CAMSAP3: variants seen among roughly 807,000 people sequenced by gnomAD.
The protein encoded by CAMSAP3 is calmodulin regulated spectrin associated protein family member 3.
Under a neutral mutation model 112.5 loss-of-function variants are expected in CAMSAP3, and 34 were observed. The observed-to-expected ratio is 0.30, with a 90% CI of 0.23 to 0.40. CAMSAP3 has a LOEUF of 0.40. CAMSAP3 is among the 10% of genes least tolerant of loss of function. The probability of loss-of-function intolerance (pLI) is 1.00; values close to 1 mark genes in which losing one functional copy is unlikely to be tolerated. For synonymous variants in CAMSAP3, 868 were observed against 799.8 expected (o/e 1.09, Z -1.44); for missense variants, 1,602 against 1,770.3 (o/e 0.90, Z 1.71).
chr19:7,606,156 A>AAACCCCCCCC, intron 2 of CAMSAP3, 115 bp from the exon 3 acceptor site: 1 of 224,848 alleles, frequency 4.4e-6, no homozygotes, highest in Non-Finnish European at 8.5e-6. Context: ...CTCAAGCCCC[A>AAACCCCCCCC]CCCCCCCCGT....
chr19:7,604,809 G>C (rs1157047136), intron 1 of CAMSAP3, among the ~76,000 whole-genome samples: 1 of 152,260 alleles, frequency 6.6e-6, no homozygotes, highest in African/African-American at 2.4e-5. Context: ...GCCTCCTAGC[G>C]TTGATGTAAG....
Position 7,610,900 on chromosome 19 carries a change from G to C in CAMSAP3, c.1018G>C (p.Ala340Pro), listed in dbSNP as rs779864414. 12 of 1,591,914 alleles carry C rather than the reference G, an allele frequency of 7.5e-6. No homozygotes were observed. The highest frequency in any genetic ancestry group is 9.4e-6 in the Non-Finnish European group (11 of 1,169,076). Residue 340 changes from alanine (A) to proline (P), a missense_variant, in exon 8 of 17, where the codon GCC (alanine) becomes CCC (proline). By Grantham distance (27) the Ala-to-Pro change is conservative (BLOSUM62 -1). Coordinates refer to ENST00000160298, the MANE Select transcript of CAMSAP3 (RefSeq NM_020902.2). This position sits in a 1 kb window ranked among gnomAD's most constrained non-coding sequence, Gnocchi z 4.9. ...AGCTGCCTCCCCCCGGGGCACTGAG[G>C]CCTCCCCACCTCAGAACAACAGCGG... Reference protein sequence around the residue: ...GHAASPRGTEASPPQNNSGSS... With the variant: ...GHAASPRGTEPSPPQNNSGSS...
At chr19:7,616,934 CTTTTTTTTTT>C (rs545769780) in intron 14 of CAMSAP3, among the ~76,000 whole-genome samples, 7 of 83,036 alleles carry the variant, frequency 8.4e-5, no homozygotes, top group South Asian at 1.0e-3. Flanking sequence ...TGTGGCCCGC[CTTTTTTTTTT>C]TTTTTTTTTT....
In CAMSAP3 at chr19:7,605,367, C is replaced by T; in HGVS notation, c.290C>T (p.Thr97Ile). The T allele has an allele frequency of 1.9e-6, 3 of 1,599,330 alleles. No homozygotes were observed. The highest frequency in any genetic ancestry group is 1.3e-5 in the African/African-American group (1 of 74,638). ...AWRQALPQLETPPNPSALLAL... is the reference protein window; with the variant it reads ...AWRQALPQLEIPPNPSALLAL... The stretch of plus-strand genomic sequence containing the variant: ...CGCCAGGCACTGCCACAGCTTGAAA[C>T]ACCCCCCAACCCCTCTGCACTGCTG... The change falls in exon 2 of 17, where the codon ACA becomes ATA. Residue 97 changes from threonine (T) to isoleucine (I), a missense_variant. Physicochemically the swap from Thr to Ile is moderately conservative, Grantham distance 89. Coordinates refer to ENST00000160298, the MANE Select transcript of CAMSAP3 (RefSeq NM_020902.2).
intron 11 of CAMSAP3, among the ~76,000 whole-genome samples, chr19:7,614,120 C>T (rs536408492): frequency 2.0e-5 from 3 of 151,400 alleles, no homozygotes; most frequent in Non-Finnish European, 3.0e-5. Context: ...AATTAGCTGG[C>T]GTGGTGGCGG....
At chr19:7,616,291 T>G (rs1599364782) in intron 13 of CAMSAP3, 3 of 457,734 alleles carry the variant, frequency 6.6e-6, no homozygotes, top group South Asian at 2.8e-5. Context: ...CCTTTGGGAG[T>G]ATGTTTGGGG....
rs56244737 is a variant in CAMSAP3, at chr19:7,605,147, G to GGTGTGTGTGTGTGTGTGTGTGTGTGTGT, written c.149-76_149-49dup. Reference sequence around the variant, plus strand: ...GACACACTCTTAATCCGGGCCATGTGGTGTGTGTGTGTGTGTGTGTGTGTG... The same window carrying GGTGTGTGTGTGTGTGTGTGTGTGTGTGT: ...GACACACTCTTAATCCGGGCCATGTGGTGTGTGTGTGTGTGTGTGTGTGTGTGTGTGTGTGTGTGTGTGTGTGTGTGTG... On this transcript the variant is annotated intron_variant, in intron 1 of 16. Transcript: ENST00000160298. 5.3e-5 allele frequency: 33 copies of GGTGTGTGTGTGTGTGTGTGTGTGTGTGT among 624,548 alleles called. 1 individual carries two copies. The highest frequency in any genetic ancestry group is 3.9e-4 in the East Asian group (12 of 31,148). The allele number at this position is 624,548 out of a possible 1,614,324, so 38.7% of individuals were successfully genotyped here. A position where few individuals can be genotyped will look rare whatever the true frequency, so the allele number is the denominator to read the frequency against.
chr19:7,608,024 G>GC (rs2030304547), intron 4 of CAMSAP3, 102 bp from the exon 5 acceptor site: 1 of 1,423,332 alleles, frequency 7.0e-7, no homozygotes, highest in African/African-American at 1.4e-5. Flanking sequence ...CCAGCTTCCC[G>GC]CCCCCTCATG....
chr19:7,610,528 G>C lies in CAMSAP3; in HGVS notation c.813G>C (p.Gln271His). The C allele has an allele frequency of 6.2e-7, 1 of 1,613,732 alleles. No homozygotes were observed. ...TGGCGGACAGCCTGTACAACCTCCA[G>C]CTCGTGCAGGATTTCTGTGCCTCTC... ...MSVADSLYNLQLVQDFCASRL... is the reference protein window; with the variant it reads ...MSVADSLYNLHLVQDFCASRL... The change falls in exon 6 of 17, where the codon CAG (glutamine) becomes CAC (histidine). Residue 271 changes from glutamine to histidine, a missense_variant. Physicochemically the swap from Gln to His is conservative, Grantham distance 24 (BLOSUM62 0). Coordinates refer to ENST00000160298, the MANE Select transcript of CAMSAP3 (RefSeq NM_020902.2). The surrounding 1 kb of genome is among the most constrained non-coding windows in gnomAD (Gnocchi z 4.9).
chr19:7,598,304 A>G (rs901977874), intron 1 of CAMSAP3, among the ~76,000 whole-genome samples: 18 of 152,138 alleles, frequency 1.2e-4, no homozygotes, highest in African/African-American at 4.3e-4. Flanking sequence ...GTGGACCAGC[A>G]GGGAGTTCTC....
rs1451072863 is a variant in CAMSAP3, at chr19:7,610,451, G to A, written c.761-25G>A. On this transcript the variant is annotated intron_variant, in intron 5 of 16. Transcript: ENST00000160298. This position sits in a 1 kb window ranked among gnomAD's most constrained non-coding sequence, Gnocchi z 4.9. ...CCCATCCTCCTCCTCATAGAGTTGG[G>A]GACCCACTCCTCCTGTCCCCACAGA... 3 of 1,593,518 alleles carry A rather than the reference G, an allele frequency of 1.9e-6. No homozygotes were observed. The highest frequency in any genetic ancestry group is 2.6e-6 in the Non-Finnish European group (3 of 1,170,010).
At chr19:7,601,066 T>G (rs2029945710) in intron 1 of CAMSAP3, among the ~76,000 whole-genome samples, 1 of 152,018 alleles carries the variant, frequency 6.6e-6, no homozygotes, top group Admixed American at 6.6e-5. Flanking sequence ...GAAATGTGGT[T>G]GATCAGAACC....
intron 1 of CAMSAP3, among the ~76,000 whole-genome samples, chr19:7,597,827 G>C (rs1380634053): frequency 6.6e-6 from 1 of 152,206 alleles, no homozygotes; most frequent in Non-Finnish European, 1.5e-5. Context: ...AACTTCTGAT[G>C]AGGGGTGTTG....
chr19:7,614,857 C>G, intron 11 of CAMSAP3: 1 of 461,788 alleles, frequency 2.2e-6, no homozygotes, highest in East Asian at 4.2e-5. Context: ...TCCTGGGTGT[C>G]TCCAGGCCAG....
Position 7,608,205 on chromosome 19 carries a change from G to A in CAMSAP3, c.701G>A (p.Ser234Asn). The change falls in exon 5 of 17, where the codon AGT (serine) becomes AAT (asparagine). Residue 234 changes from serine to asparagine, a missense_variant. Ser to Asn is a conservative substitution (Grantham distance 46). This residue lies in a region of CAMSAP3 where 58 missense variants were observed against 108.4 expected (regional missense o/e 0.54). Transcript: ENST00000160298. The part of the protein sequence containing the change: ...PTVTSLQDLA[S>N]GAALAATIHC... ...GTGACCAGCCTCCAGGACCTGGCCA[G>A]TGGGGCCGCGCTGGCCGCCACCATC... The A allele has an allele frequency of 1.2e-6, 2 of 1,612,746 alleles. No homozygotes were observed. Among genetic ancestry groups the A allele is most frequent in the Middle Eastern group, 1.7e-4 (1 of 6,060 alleles).
At chr19:7,603,323 T>G (rs1381794701) in intron 1 of CAMSAP3, among the ~76,000 whole-genome samples, 1 of 151,828 alleles carries the variant, frequency 6.6e-6, no homozygotes, top group Non-Finnish European at 1.5e-5. Flanking sequence ...TAAGCGATTC[T>G]CCGGCCTCGG....
At position 7,600,875 on chromosome 19, in the gene CAMSAP3, C is replaced by T. The variant is rs2029933038; in HGVS notation, c.149-4351C>T. Among the ~76,000 whole-genome samples the T allele has an allele frequency of 6.7e-5, 10 of 148,890 alleles. No individual in the cohort carries two copies. The Admixed American group carries it at 6.7e-4, about 10-fold the overall frequency. On this transcript the variant is annotated intron_variant, in intron 1 of 16. Transcript: ENST00000160298. ...CCATCCATCCATCCACCCACCCATT[C>T]ATCCATTTATCCATCCATCCATCCA...
In CAMSAP3 at chr19:7,607,859, ACC is replaced by A; in HGVS notation, c.622-262_622-261del. The A allele has an allele frequency of 2.3e-6, 3 of 1,317,024 alleles. No individual in the cohort carries two copies. Among genetic ancestry groups the A allele is most frequent in the Non-Finnish European group, 3.1e-6 (3 of 960,876 alleles). The allele number at this position is 1,317,024 out of a possible 1,614,324, so 81.6% of individuals were successfully genotyped here. A position where few individuals can be genotyped will look rare whatever the true frequency, so the allele number is the denominator to read the frequency against. Reference sequence around the variant, plus strand: ...TCTGTTTGAAGGAGTCGGGGAGCAAACCCCCCATGGTAATGTATCCCCCGCCC... The same window carrying A: ...TCTGTTTGAAGGAGTCGGGGAGCAAACCCCATGGTAATGTATCCCCCGCCC... On this transcript the variant is annotated intron_variant, in intron 4 of 16. Transcript: ENST00000160298. The surrounding 1 kb of genome is among the most constrained non-coding windows in gnomAD (Gnocchi z 4.9).
chr19:7,602,241 A>G (rs535171026), intron 1 of CAMSAP3, among the ~76,000 whole-genome samples: 40 of 151,968 alleles, frequency 2.6e-4, no homozygotes, highest in Non-Finnish European at 4.9e-4. Context: ...TTTGCTAAAC[A>G]TCTCACAGTG....
Sources: gnomAD v4.1 joint callset for allele counts (sites outside exome capture counted in the v4.1 genomes callset) on GRCh38, gnomAD v4.1.1 for gene constraint, gnomAD v4.1.1 regional missense constraint, Gnocchi (gnomAD v3.1) non-coding constraint, MANE v1.5 for transcripts, NCBI Gene and HGNC (gene_info 2026-07-23, HGNC 2026-07-21) for gene names.